Variants in PRKCQ observed in about 807,000 individuals in gnomAD.
The protein encoded by PRKCQ is protein kinase C theta.
Under a neutral mutation model 91.2 loss-of-function variants are expected in PRKCQ, and 41 were observed. That is an observed-to-expected ratio of 0.45 (90% CI 0.35 to 0.58). PRKCQ has a LOEUF of 0.58. PRKCQ is among the 20% of genes least tolerant of loss of function. The pLI is 0.00. For synonymous variants in PRKCQ, 307 were observed against 316.9 expected (o/e 0.97, Z 0.33); for missense variants, 673 against 896.5 (o/e 0.75, Z 3.18).
At chr10:6,547,470 T>C (rs1452575729) in intron 1 of PRKCQ, among the ~76,000 whole-genome samples, 1 of 152,104 alleles carries the variant, frequency 6.6e-6, no homozygotes, top group Admixed American at 6.5e-5. Flanking sequence ...TCACACTACC[T>C]GACTTCAAAC....
intron 1 of PRKCQ, among the ~76,000 whole-genome samples, chr10:6,553,516 A>AATAAAT (rs1840286165): frequency 2.0e-5 from 3 of 147,312 alleles, no homozygotes; most frequent in Admixed American, 2.0e-4. Flanking sequence ...AAAAAAAAAA[A>AATAAAT]ACAAACAAAC....
intron 4 of PRKCQ, among the ~76,000 whole-genome samples, chr10:6,503,407 A>C (rs1838025743): frequency 6.6e-6 from 1 of 152,198 alleles, no homozygotes; most frequent in South Asian, 2.1e-4. Flanking sequence ...GCATGAGATG[A>C]CATTGGGGAA....
intron 1 of PRKCQ, among the ~76,000 whole-genome samples, chr10:6,548,080 G>A (rs1273888089): frequency 8.5e-5 from 13 of 152,208 alleles, no homozygotes; most frequent in African/African-American, 1.9e-4. Flanking sequence ...AAGGATATGA[G>A]CAGACACTTC....
intron 4 of PRKCQ, among the ~76,000 whole-genome samples, chr10:6,506,999 T>C (rs1838231076): frequency 6.6e-6 from 1 of 152,256 alleles, no homozygotes; most frequent in Admixed American, 6.5e-5. Context: ...CTTCAAGTGT[T>C]AGCATTTTGT....
rs914124240 is a variant in PRKCQ, at chr10:6,546,014, G to GA, written c.-9-30871dup. 2.1e-3 allele frequency among the ~76,000 whole-genome samples: 309 copies of GA among 146,138 alleles called. 2 individuals carry two copies. The highest frequency in any genetic ancestry group is 0.012 in the South Asian group (53 of 4,586). ...GCAAAACTCCATCTCAGGAAAACGA[G>GA]AAAAAAAAAAGGTTCACATGGTAAA... On this transcript the variant is annotated intron_variant, in intron 1 of 17. Transcript: ENST00000263125.
At chr10:6,395,897 C>G in the PRKCQ span, among the ~76,000 whole-genome samples, 1 of 152,130 alleles carries the variant, frequency 6.6e-6, no homozygotes, top group Admixed American at 6.5e-5. Context: ...CTTCTCTGCT[C>G]CCACTCTATT....
intron 1 of PRKCQ, among the ~76,000 whole-genome samples, chr10:6,572,897 G>A (rs1421661922): frequency 6.6e-6 from 1 of 152,032 alleles, no homozygotes; most frequent in African/African-American, 2.4e-5. Context: ...GCCAGCACCT[G>A]TTGTTTCTTG....
intron 16 of PRKCQ, among the ~76,000 whole-genome samples, chr10:6,440,303 G>A (rs754692528): frequency 6.6e-6 from 1 of 152,352 alleles, no homozygotes; most frequent in South Asian, 2.1e-4. Flanking sequence ...CAGTGAGAGA[G>A]TCTTGCAGAA....
chr10:6,511,272 C>A, intron 2 of PRKCQ, 78 bp from the exon 3 acceptor site: 3 of 1,314,768 alleles, frequency 2.3e-6, no homozygotes, highest in South Asian at 1.2e-5. Context: ...AACAGTAGCA[C>A]CTGCTCCCTC....
chr10:6,520,756 G>A (rs533144867), intron 1 of PRKCQ, among the ~76,000 whole-genome samples: 14 of 152,184 alleles, frequency 9.2e-5, no homozygotes, highest in East Asian at 7.7e-4. Flanking sequence ...ATTGATTTGC[G>A]TCACACCTGC....
chr10:6,568,202 G>A (rs1434976083), intron 1 of PRKCQ, among the ~76,000 whole-genome samples: 2 of 151,810 alleles, frequency 1.3e-5, no homozygotes, highest in African/African-American at 2.4e-5. Context: ...GTGACAGAGC[G>A]AGACTCTTGT....
downstream of PRKCQ, among the ~76,000 whole-genome samples, chr10:6,426,647 A>T (rs1247159313): frequency 6.6e-6 from 1 of 152,186 alleles, no homozygotes; most frequent in Non-Finnish European, 1.5e-5. Flanking sequence ...AGCTCCGTAT[A>T]GTCAGGAAAA....
At chr10:6,478,961 G>C in intron 12 of PRKCQ, 31 bp downstream of exon 12, 2 of 1,611,196 alleles carry the variant, frequency 1.2e-6, no homozygotes, top group Non-Finnish European at 1.7e-6. Context: ...AGGTTAGAGG[G>C]GAGGTAGGGT....
At chr10:6,415,427 T>C in the PRKCQ span, among the ~76,000 whole-genome samples, 5 of 59,332 alleles carry the variant, frequency 8.4e-5, no homozygotes, top group Non-Finnish European at 1.5e-4. Flanking sequence ...TATATATATA[T>C]ATATATATAT....
the PRKCQ span, among the ~76,000 whole-genome samples, chr10:6,422,129 A>G: frequency 6.6e-6 from 1 of 152,208 alleles, no homozygotes; most frequent in Non-Finnish European, 1.5e-5. Context: ...TTTTCCTATG[A>G]AAGAGGTCTC....
At position 6,430,952 on chromosome 10, in the gene PRKCQ, G is replaced by C. The variant is rs767502636; in HGVS notation, c.1837-14C>G. On this transcript the variant is annotated splice_polypyrimidine_tract_variant and intron_variant, in intron 16 of 17. Coordinates refer to ENST00000263125, the MANE Select transcript of PRKCQ (RefSeq NM_006257.5). This position sits in a 1 kb window ranked among gnomAD's most constrained non-coding sequence, Gnocchi z 4.7. ...TCGCACGAAGAGCTGAAAGGGAGCAGAGCAGGAGCCCTGAGGTCTCCAGGG... is the reference window on the plus strand; with the variant it reads ...TCGCACGAAGAGCTGAAAGGGAGCACAGCAGGAGCCCTGAGGTCTCCAGGG... 17 of 1,613,256 alleles carry C rather than the reference G, an allele frequency of 1.1e-5. No individual in the cohort carries two copies. Among genetic ancestry groups the C allele is most frequent in the Admixed American group, 1.0e-4 (6 of 59,976 alleles).
intron 3 of PRKCQ, among the ~76,000 whole-genome samples, chr10:6,508,164 G>A (rs1838293932): frequency 6.6e-6 from 1 of 152,114 alleles, no homozygotes; most frequent in Non-Finnish European, 1.5e-5. Context: ...TCATTTTAAG[G>A]GATGATGTAG....
At chr10:6,462,030 G>A (rs1395364954) in intron 14 of PRKCQ, among the ~76,000 whole-genome samples, 1 of 152,210 alleles carries the variant, frequency 6.6e-6, no homozygotes, top group Non-Finnish European at 1.5e-5. Flanking sequence ...AAACAGGACA[G>A]TGAAAATGGG....
chr10:6,554,798 A>T (rs1354807060), intron 1 of PRKCQ, among the ~76,000 whole-genome samples: 2 of 152,234 alleles, frequency 1.3e-5, no homozygotes, highest in Non-Finnish European at 2.9e-5. Context: ...CACTGGGTAT[A>T]TATCCAAAAG....
Sources: allele counts gnomAD v4.1 joint callset (sites outside exome capture counted in the v4.1 genomes callset), GRCh38; gene constraint gnomAD v4.1.1; non-coding constraint Gnocchi (gnomAD v3.1); transcripts MANE v1.5; gene names NCBI Gene and HGNC (gene_info 2026-07-23, HGNC 2026-07-21).